Variants in FZD3 observed in about 807,000 individuals in gnomAD.
FZD3 encodes frizzled class receptor 3.
In FZD3, 30 loss-of-function variants were observed where a neutral mutation model predicts 60.7. The observed-to-expected ratio is 0.49, with a 90% CI of 0.37 to 0.67. The LOEUF is 0.67. FZD3 is among the 30% of genes least tolerant of loss of function. The pLI, the probability that FZD3 is intolerant of heterozygous loss-of-function variation, is 0.00. For missense variants in FZD3, 605 were observed against 838.7 expected (o/e 0.72, Z 3.44); for synonymous variants, 246 against 275.2 (o/e 0.89, Z 1.05).
At chr8:28,500,379 A>G (rs1212549736) in intron 2 of FZD3, among the ~76,000 whole-genome samples, 2 of 152,216 alleles carry the variant, frequency 1.3e-5, no homozygotes, top group East Asian at 3.8e-4. Flanking sequence ...GTATAGGGGG[A>G]CATTTCAGCT....
rs1023721899 is a variant in FZD3, at chr8:28,571,669, G to A, written c.*8658G>A. On this transcript the variant is annotated 3_prime_UTR_variant, in exon 8 of 8. Transcript: ENST00000240093. ...TGCTTTTATTTTCAAATGTCAAATT[G>A]TATTTTTGTGTTTTATTTTCTCATT... 2.0e-5 allele frequency: 3 copies of A among 152,094 alleles called. No homozygotes were observed. Among genetic ancestry groups the A allele is most frequent in the African/African-American group, 4.8e-5 (2 of 41,498 alleles). The allele number at this position is 152,094 out of a possible 1,614,324, so 9.4% of individuals were successfully genotyped here. A position where few individuals can be genotyped will look rare whatever the true frequency, so the allele number is the denominator to read the frequency against.
Position 28,527,866 on chromosome 8 carries a change from A to G in FZD3, c.1106A>G (p.Asp369Gly). ...TGTTTTGTTGGCCTCTACGATGTTG[A>G]TGCATTGAGATATTTTGTTCTTGCT... ...GVCFVGLYDV[D>G]ALRYFVLAPL... is the part of the protein sequence containing the mutation. The change falls in exon 5 of 8, where the codon GAT becomes GGT. Residue 369 changes from aspartate to glycine, a missense_variant. Asp to Gly is a moderately conservative substitution (Grantham distance 94, BLOSUM62 -1). Transcript: ENST00000240093. The surrounding 1 kb of genome is among the most constrained non-coding windows in gnomAD (Gnocchi z 5.0). 6.2e-7 allele frequency: 1 copy of G among 1,614,108 alleles called. No individual in the cohort carries two copies. Among genetic ancestry groups the G allele is most frequent in the South Asian group, 1.1e-5 (1 of 91,084 alleles).
intron 1 of FZD3, among the ~76,000 whole-genome samples, chr8:28,498,725 C>T (rs905721536): frequency 2.6e-5 from 4 of 152,150 alleles, no homozygotes; most frequent in Non-Finnish European, 4.4e-5. Flanking sequence ...AGGCGCATGC[C>T]AGCTAATTTT....
chr8:28,569,183 T>G lies in FZD3; in HGVS notation c.*6172T>G, dbSNP rs1805759401. 1 of 29,932 alleles carries G rather than the reference T, an allele frequency of 3.3e-5. No homozygotes were observed. Among genetic ancestry groups the G allele is most frequent in the African/African-American group, 1.0e-4 (1 of 9,886 alleles). The allele number at this position is 29,932 out of a possible 1,614,324, so 1.9% of individuals were successfully genotyped here. ...TATTTCTTTGTGTTGTGCTTATTGGTTTTTTTTTTTAACTTAGAGCTTAAT... is the reference window on the plus strand; with the variant it reads ...TATTTCTTTGTGTTGTGCTTATTGGGTTTTTTTTTTAACTTAGAGCTTAAT... On this transcript the variant is annotated 3_prime_UTR_variant, in exon 8 of 8. Coordinates refer to ENST00000240093, the MANE Select transcript of FZD3 (RefSeq NM_017412.4).
chr8:28,541,068 C>T (rs942788245), intron 5 of FZD3, among the ~76,000 whole-genome samples: 1 of 152,052 alleles, frequency 6.6e-6, no homozygotes, highest in African/African-American at 2.4e-5. Context: ...AGTATATGGC[C>T]TGTTTTACGT....
chr8:28,495,089 C>A lies in FZD3; in HGVS notation c.-391+746C>A, dbSNP rs547495827. Among the ~76,000 whole-genome samples the A allele has an allele frequency of 6.6e-5, 10 of 152,314 alleles. No homozygotes were observed. In the East Asian group the frequency reaches 1.2e-3, roughly 18 times the overall value. On this transcript the variant is annotated intron_variant, in intron 1 of 7. Transcript: ENST00000240093. ...TGAAATAGCCAGCAAGGTGAAGGAG[C>A]CTTGTGTCCTTTCAAGACATGTAAA...
intron 5 of FZD3, among the ~76,000 whole-genome samples, chr8:28,535,140 T>G (rs1455975593): frequency 6.6e-6 from 1 of 152,254 alleles, no homozygotes; most frequent in South Asian, 2.1e-4. Flanking sequence ...ATTGCATGAA[T>G]GTAAATTCAT....
In FZD3 at chr8:28,520,770, A is replaced by G; in HGVS notation, c.322A>G (p.Ser108Gly). ...PCRRLCQRAY[S>G]ECSKLMEMFG... The stretch of plus-strand genomic sequence containing the variant: ...TCGTAGGCTGTGTCAGCGGGCTTAC[A>G]GTGAGTGTTCGAAGCTCATGGAGAT... Residue 108 changes from serine (S) to glycine (G), a missense_variant, in exon 4 of 8, where the codon AGT (serine) becomes GGT (glycine). Coordinates refer to ENST00000240093, the MANE Select transcript of FZD3 (RefSeq NM_017412.4). The G allele has an allele frequency of 1.2e-6, 2 of 1,611,822 alleles. No individual in the cohort carries two copies.
chr8:28,518,329 A>T lies in FZD3; in HGVS notation c.190-2309A>T, dbSNP rs1804487253. Among the ~76,000 whole-genome samples, 4 of 151,740 alleles carry T rather than the reference A, an allele frequency of 2.6e-5. No homozygotes were observed. In the South Asian group the frequency reaches 8.3e-4, roughly 32 times the overall value. On this transcript the variant is annotated intron_variant, in intron 3 of 7. Coordinates refer to ENST00000240093, the MANE Select transcript of FZD3 (RefSeq NM_017412.4). ...TGCCTCGGCCTCTCAGAGTGCTGAG[A>T]TTACAGCCGTGAGCCATTGCGTCCA...
intron 5 of FZD3, among the ~76,000 whole-genome samples, chr8:28,546,753 A>T (rs1346204017): frequency 1.3e-5 from 2 of 152,138 alleles, no homozygotes; most frequent in South Asian, 2.1e-4. Context: ...AGGCAGGCGG[A>T]TAACAAGGTC....
chr8:28,506,088 G>A (rs983587113), intron 3 of FZD3, among the ~76,000 whole-genome samples: 5 of 152,194 alleles, frequency 3.3e-5, no homozygotes, highest in African/African-American at 7.2e-5. Context: ...AAATTGCTAA[G>A]TAAATTTTTG....
At chr8:28,518,687 CT>C (rs1804496643) in intron 3 of FZD3, among the ~76,000 whole-genome samples, 1 of 152,148 alleles carries the variant, frequency 6.6e-6, no homozygotes, top group Non-Finnish European at 1.5e-5. Context: ...TCATTTAGAT[CT>C]TGTTTCTTTC....
In FZD3 at chr8:28,509,256, T is replaced by C. The variant is rs1010722683; in HGVS notation, c.189+6054T>C. Among the ~76,000 whole-genome samples the C allele has an allele frequency of 4.0e-5, 6 of 151,844 alleles. No homozygotes were observed. In the South Asian group the frequency reaches 8.3e-4, roughly 21 times the overall value. The stretch of plus-strand genomic sequence containing the variant: ...CCTCTGTCACCTCTATCTTATTTTT[T>C]CCTTCCACCTAAAGGCAGTCATTTT... On this transcript the variant is annotated intron_variant, in intron 3 of 7. Transcript: ENST00000240093.
intron 5 of FZD3, among the ~76,000 whole-genome samples, chr8:28,538,657 TC>T (rs1805081681): frequency 6.6e-6 from 1 of 152,148 alleles, no homozygotes; most frequent in Non-Finnish European, 1.5e-5. Flanking sequence ...TAGTTTTGTG[TC>T]TTTAGGCTAG....
chr8:28,573,112 CTT>C lies in FZD3; in HGVS notation c.*10102_*10103del, dbSNP rs1805834918. 6.6e-6 allele frequency: 1 copy of C among 152,134 alleles called. No homozygotes were observed. Among genetic ancestry groups the C allele is most frequent in the Non-Finnish European group, 1.5e-5 (1 of 68,016 alleles). 9.4% of individuals were successfully genotyped at this position (152,134 alleles called of 1,614,324 possible). A position where few individuals can be genotyped will look rare whatever the true frequency, so the allele number is the denominator to read the frequency against. ...CTAGGCAATATGCTCATGATACCCT[CTT>C]CATGTGACCTATTCCTCAAATGCTG... is the stretch of plus-strand genomic sequence containing the variant. On this transcript the variant is annotated 3_prime_UTR_variant, in exon 8 of 8. Transcript: ENST00000240093.
intron 5 of FZD3, among the ~76,000 whole-genome samples, chr8:28,546,491 A>G (rs1401366130): frequency 6.6e-6 from 1 of 152,176 alleles, no homozygotes; most frequent in Non-Finnish European, 1.5e-5. Flanking sequence ...ACCATAATTT[A>G]TTTAAACAAT....
At chr8:28,555,086 G>C (rs887075669) in intron 6 of FZD3, among the ~76,000 whole-genome samples, 10 of 152,046 alleles carry the variant, frequency 6.6e-5, no homozygotes, top group African/African-American at 2.4e-4. Flanking sequence ...TCCCCTAAAT[G>C]TTTCCCTTTA....
intron 5 of FZD3, among the ~76,000 whole-genome samples, chr8:28,529,887 T>C (rs892315343): frequency 1.3e-5 from 2 of 152,264 alleles, no homozygotes; most frequent in East Asian, 3.9e-4. Context: ...ATTTTATGCT[T>C]CCCCATGTCA....
At chr8:28,526,425 C>T (rs1195650189) in intron 4 of FZD3, among the ~76,000 whole-genome samples, 1 of 152,162 alleles carries the variant, frequency 6.6e-6, no homozygotes, top group Non-Finnish European at 1.5e-5. Context: ...CCTTATGTAA[C>T]TAATCTCTGT....
Sources: gnomAD v4.1 joint callset for allele counts (sites outside exome capture counted in the v4.1 genomes callset) on GRCh38, gnomAD v4.1.1 for gene constraint, Gnocchi (gnomAD v3.1) non-coding constraint, MANE v1.5 for transcripts, NCBI Gene and HGNC (gene_info 2026-07-23, HGNC 2026-07-21) for gene names.